The following LIMCH1 variants were observed in gnomAD, a reference collection of about 807,000 sequenced individuals.
LIMCH1 encodes LIM and calponin homology domains-containing protein 1.
In LIMCH1, 113 loss-of-function variants were observed where a neutral mutation model predicts 176.5. The observed-to-expected ratio is 0.64, with a 90% CI of 0.55 to 0.75. The LOEUF (loss-of-function observed/expected upper bound fraction) is 0.75. LIMCH1 is among the 30% of genes least tolerant of loss of function. The probability of loss-of-function intolerance (pLI) is 0.00; values close to 1 mark genes in which losing one functional copy is unlikely to be tolerated. For synonymous variants in LIMCH1, 619 were observed against 645.9 expected (o/e 0.96, Z 0.63); for missense variants, 1,674 against 1,814.9 (o/e 0.92, Z 1.41).
chr4:41,572,904 C>T (rs576141694), intron 1 of LIMCH1, among the ~76,000 whole-genome samples: 3 of 152,236 alleles, frequency 2.0e-5, no homozygotes, highest in South Asian at 4.1e-4. Flanking sequence ...AGTGACATCA[C>T]GGAAGTACCT....
At chr4:41,525,698 A>G (rs1197672317) in intron 3 of LIMCH1, among the ~76,000 whole-genome samples, 1 of 152,052 alleles carries the variant, frequency 6.6e-6, no homozygotes, top group Admixed American at 6.5e-5. Context: ...TTTGGAAGGA[A>G]TATATTTGAA....
intron 23 of LIMCH1, among the ~76,000 whole-genome samples, 184 bp from the exon 24 acceptor site, chr4:41,679,822 T>A (rs1714156675): frequency 6.6e-6 from 1 of 152,234 alleles, no homozygotes; most frequent in South Asian, 2.1e-4. Flanking sequence ...TTGGATTATG[T>A]TCCCAAAATG....
intron 1 of LIMCH1, among the ~76,000 whole-genome samples, chr4:41,400,061 A>T (rs1395130877): frequency 6.6e-6 from 1 of 150,874 alleles, no homozygotes; most frequent in Non-Finnish European, 1.5e-5. Flanking sequence ...GAGAGATTAC[A>T]TTTCCTAAAG....
At chr4:41,582,978 C>T (rs895192154) in intron 1 of LIMCH1, among the ~76,000 whole-genome samples, 13 of 152,162 alleles carry the variant, frequency 8.5e-5, no homozygotes, top group Non-Finnish European at 1.8e-4. Context: ...ACCATTTAAT[C>T]ATTTTAAGTG....
chr4:41,473,629 C>T (rs1430923798), intron 1 of LIMCH1, among the ~76,000 whole-genome samples: 1 of 152,156 alleles, frequency 6.6e-6, no homozygotes, highest in Non-Finnish European at 1.5e-5. Context: ...GGGGAAAACT[C>T]CATGACATTG....
At chr4:41,505,969 C>T (rs937362902) in intron 2 of LIMCH1, among the ~76,000 whole-genome samples, 4 of 149,848 alleles carry the variant, frequency 2.7e-5, no homozygotes, top group African/African-American at 9.9e-5. Flanking sequence ...CACACACACA[C>T]TTTGTATAAA....
At chr4:41,650,667 T>C (rs2094256443) in intron 18 of LIMCH1, 59 bp downstream of exon 18, 13 of 1,397,986 alleles carry the variant, frequency 9.3e-6, no homozygotes, top group Non-Finnish European at 1.3e-5. Flanking sequence ...AAAGAATCTG[T>C]TTTTAAAAAT....
intron 14 of LIMCH1, among the ~76,000 whole-genome samples, chr4:41,640,574 T>C (rs1454529813): frequency 6.6e-6 from 1 of 152,156 alleles, no homozygotes. Flanking sequence ...TTTCCAGAGC[T>C]CTTATCTAGG....
chr4:41,518,498 A>G (rs1196330877), intron 2 of LIMCH1, among the ~76,000 whole-genome samples: 1 of 152,192 alleles, frequency 6.6e-6, no homozygotes, highest in Non-Finnish European at 1.5e-5. Context: ...GGGTGCAAAG[A>G]GTTATTAAAT....
intron 1 of LIMCH1, among the ~76,000 whole-genome samples, chr4:41,488,464 T>C (rs910779924): frequency 6.6e-6 from 1 of 152,350 alleles, no homozygotes; most frequent in East Asian, 1.9e-4. Context: ...TAAGAATGAC[T>C]TTTTAAAATT....
rs1045069250 is a variant in LIMCH1 at position 41,368,391 on chromosome 4, A to G, written c.96+7455A>G. On this transcript the variant is annotated intron_variant, in intron 1 of 26. Transcript: ENST00000313860. The stretch of plus-strand genomic sequence containing the variant: ...ATAAACATACTTCCTGCCCTCATGA[A>G]ATATACAATGTGGCAGGGGGACAGA... 3.9e-5 allele frequency among the ~76,000 whole-genome samples: 6 copies of G among 152,322 alleles called. No individual in the cohort carries two copies. In the South Asian group the frequency reaches 1.2e-3, roughly 32 times the overall value.
intron 1 of LIMCH1, among the ~76,000 whole-genome samples, chr4:41,460,825 C>T (rs1006697612): frequency 3.8e-4 from 58 of 152,176 alleles, no homozygotes; most frequent in African/African-American, 1.3e-3. Context: ...AGAGCCAGAG[C>T]GCCATGCATG....
chr4:41,508,617 C>A (rs866567160), intron 2 of LIMCH1, among the ~76,000 whole-genome samples: 2 of 152,114 alleles, frequency 1.3e-5, no homozygotes, highest in South Asian at 2.1e-4. Context: ...AAGGAGGTCT[C>A]AGTTTGAGGA....
chr4:41,546,841 G>GGA (rs370936746), intron 1 of LIMCH1, among the ~76,000 whole-genome samples: 3 of 151,474 alleles, frequency 2.0e-5, no homozygotes, highest in East Asian at 1.9e-4. Context: ...ATATATATAT[G>GGA]GAGAGAGAGA....
intron 1 of LIMCH1, among the ~76,000 whole-genome samples, chr4:41,573,370 A>G (rs2083869214): frequency 6.6e-6 from 1 of 152,208 alleles, no homozygotes; most frequent in South Asian, 2.1e-4. Context: ...GGCAAATAAA[A>G]TCATGCATAG....
chr4:41,458,383 G>T (rs1372244850), intron 1 of LIMCH1, among the ~76,000 whole-genome samples: 1 of 152,124 alleles, frequency 6.6e-6, no homozygotes, highest in African/African-American at 2.4e-5. Context: ...TTGAATAGGG[G>T]TGGAATAATA....
In LIMCH1 at chr4:41,467,203, A is replaced by ACACACT. The variant is rs2066282006; in HGVS notation, c.97-27331_97-27330insCACTCA. Among the ~76,000 whole-genome samples the ACACACT allele has an allele frequency of 5.6e-5, 8 of 141,794 alleles. No individual in the cohort carries two copies. The South Asian group carries it at 1.8e-3, about 32-fold the overall frequency. The allele number at this position is 141,794 out of a possible 152,430, so 93.0% of individuals were successfully genotyped here. A position where few individuals can be genotyped will look rare whatever the true frequency, so the allele number is the denominator to read the frequency against. On this transcript the variant is annotated intron_variant, in intron 1 of 26. Transcript: ENST00000313860. ...CACACACACACACACACACACACAC[A>ACACACT]CATTTTATTTATCCATGCATCCATC...
At chr4:41,495,859 T>C (rs1222670958) in intron 2 of LIMCH1, among the ~76,000 whole-genome samples, 1 of 152,166 alleles carries the variant, frequency 6.6e-6, no homozygotes, top group Non-Finnish European at 1.5e-5. Flanking sequence ...TCTTCTTTCT[T>C]CAAAGAAAAA....
At chr4:41,617,884 T>TGTCCAGTC (rs2092258200) in intron 5 of LIMCH1, among the ~76,000 whole-genome samples, 1 of 152,214 alleles carries the variant, frequency 6.6e-6, no homozygotes, top group Admixed American at 6.5e-5. Context: ...TATTAAGCAC[T>TGTCCAGTC]TAGGCTGCCC....
Sources: gnomAD v4.1 joint callset for allele counts (sites outside exome capture counted in the v4.1 genomes callset) on GRCh38, gnomAD v4.1.1 for gene constraint, MANE v1.5 for transcripts, NCBI Gene and HGNC (gene_info 2026-07-23, HGNC 2026-07-21) for gene names.